Variants in NRG1 observed in about 807,000 individuals in gnomAD.
The protein encoded by NRG1 is neuregulin 1, also known as pro-neuregulin-1, membrane-bound isoform.
A neutral mutation model predicts 63.8 loss-of-function variants in NRG1; 18 were observed. The ratio of observed to expected loss-of-function variants is 0.28; its 90% CI spans 0.19 to 0.42. NRG1 has a LOEUF of 0.42. Among genes scored for constraint, NRG1 ranks in the 10% least tolerant of loss-of-function variants. NRG1 has a pLI of 1.00. For synonymous variants in NRG1, 302 were observed against 301.3 expected (o/e 1.00, Z -0.02); for missense variants, 762 against 814.7 (o/e 0.94, Z 0.79).
intron 1 of NRG1, among the ~76,000 whole-genome samples, chr8:32,052,721 A>G (rs1406733123): frequency 6.6e-6 from 1 of 152,184 alleles, no homozygotes; most frequent in Non-Finnish European, 1.5e-5. Flanking sequence ...TTGTGCATGC[A>G]GAGTGCTAGC....
intron 5 of NRG1, among the ~76,000 whole-genome samples, chr8:32,717,247 A>G (rs1345994515): frequency 1.3e-5 from 2 of 151,960 alleles, no homozygotes; most frequent in South Asian, 2.1e-4. Flanking sequence ...GGGTGGCAAG[A>G]AAAAAAAGGA....
At position 31,998,592 on chromosome 8, in the gene NRG1, AGAACTCACTTCATGAGTCAATAG is replaced by A. The variant is rs1812413384; in HGVS notation, c.37+359167_37+359189del. On this transcript the variant is annotated intron_variant, in intron 1 of 10. Transcript: ENST00000519301. The stretch of plus-strand genomic sequence containing the variant: ...GATAGCTCATTGAATGCAAACTTTC[AGAACTCACTTCATGAGTCAATAG>A]GAACTTTACACAATGGTGAGAATAA... Among the ~76,000 whole-genome samples, 6 of 152,146 alleles carry A rather than the reference AGAACTCACTTCATGAGTCAATAG, an allele frequency of 3.9e-5. No homozygotes were observed. The South Asian group carries it at 1.2e-3, about 32-fold the overall frequency.
At chr8:31,776,105 G>T (rs1819106935) in intron 1 of NRG1, among the ~76,000 whole-genome samples, 1 of 152,126 alleles carries the variant, frequency 6.6e-6, no homozygotes, top group East Asian at 1.9e-4. Flanking sequence ...AGCACTGACT[G>T]TAAAGTGCAC....
intron 5 of NRG1, among the ~76,000 whole-genome samples, chr8:32,640,341 C>G (rs1014082853): frequency 2.0e-5 from 3 of 149,878 alleles, no homozygotes; most frequent in Non-Finnish European, 4.4e-5. Context: ...AAACACACGT[C>G]TCAAAGATGT....
At position 32,756,386 on chromosome 8, in the gene NRG1, C is replaced by T; in HGVS notation, c.795-17C>T. The T allele has an allele frequency of 1.3e-6, 2 of 1,599,016 alleles. No individual in the cohort carries two copies. Among genetic ancestry groups the T allele is most frequent in the African/African-American group, 1.4e-5 (1 of 73,742 alleles). On this transcript the variant is annotated splice_polypyrimidine_tract_variant and intron_variant, in intron 8 of 11. Transcript: ENST00000356819. ...AAATAATCAAAAAAAAATAAATGCT[C>T]CCTTTCTTATGTCCAGGAAACAGCG...
chr8:31,970,716 T>C (rs73232414), intron 1 of NRG1, among the ~76,000 whole-genome samples: 1,569 of 152,230 alleles, frequency 0.01, 14 homozygotes, highest in Middle Eastern at 0.027. Context: ...AATAGGATGA[T>C]AGGTAGGACT....
intron 1 of NRG1, among the ~76,000 whole-genome samples, chr8:31,797,197 C>A (rs1257295640): frequency 6.6e-6 from 1 of 152,160 alleles, no homozygotes; most frequent in East Asian, 1.9e-4. Flanking sequence ...TGAGACTTAA[C>A]CATTTTTATT....
Position 32,340,198 on chromosome 8 carries a change from C to T in NRG1, c.38-255630C>T, listed in dbSNP as rs147494603. On this transcript the variant is annotated intron_variant, in intron 1 of 10. Coordinates refer to the NRG1 transcript ENST00000519301. ...ATAGTGTGCAACATTTAAAACAATA[C>T]ACATGTAAAAAATAAAAAATAAAAC... Among the ~76,000 whole-genome samples, 482 of 152,290 alleles carry T rather than the reference C, an allele frequency of 3.2e-3. 2 individuals carry two copies. Among genetic ancestry groups the T allele is most frequent in the Middle Eastern group, 0.017 (5 of 294 alleles).
rs546947275 is a variant in NRG1, at chr8:32,240,202, A to G, written c.38-355626A>G. 3.9e-5 allele frequency among the ~76,000 whole-genome samples: 6 copies of G among 152,312 alleles called. No homozygotes were observed. The East Asian group carries it at 7.7e-4, about 20-fold the overall frequency. On this transcript the variant is annotated intron_variant, in intron 1 of 10. Transcript: ENST00000519301. ...AAACAAACTGTAGCACAGCTATACT[A>G]TGACATACTATGAAGCAATAAAAAA...
chr8:31,870,337 C>T (rs1475391637), intron 1 of NRG1, among the ~76,000 whole-genome samples: 1 of 151,934 alleles, frequency 6.6e-6, no homozygotes, highest in Non-Finnish European at 1.5e-5. Context: ...GGTGTGATAA[C>T]ATAGATGGCT....
intron 5 of NRG1, 126 bp from the exon 6 acceptor site, chr8:32,727,823 G>C: frequency 1.2e-6 from 1 of 844,066 alleles, no homozygotes; most frequent in East Asian, 2.6e-5. Context: ...TGTTTGTAAG[G>C]TCTGCAAGTT....
chr8:31,892,034 G>C (rs1456502241), intron 1 of NRG1, among the ~76,000 whole-genome samples: 1 of 152,194 alleles, frequency 6.6e-6, no homozygotes, highest in Non-Finnish European at 1.5e-5. Context: ...AGTGCCACAT[G>C]AGGAATGCTT....
chr8:32,511,095 T>C (rs1003472697), intron 1 of NRG1, among the ~76,000 whole-genome samples: 1 of 150,780 alleles, frequency 6.6e-6, no homozygotes, highest in African/African-American at 2.4e-5. Context: ...TTTGAGAAAA[T>C]GAGGGTATGT....
chr8:32,099,351 T>C (rs1342113955), intron 1 of NRG1: 1 of 152,424 alleles, frequency 6.6e-6, no homozygotes, highest in Non-Finnish European at 1.5e-5. Context: ...GCTTTTTCTT[T>C]TTGGTTTCTC....
rs377227219 is a variant in NRG1 at position 32,566,177 on chromosome 8, C to T, written c.100+17351C>T. Among the ~76,000 whole-genome samples, 14 of 151,878 alleles carry T rather than the reference C, an allele frequency of 9.2e-5. 1 individual carries two copies. The highest frequency in any genetic ancestry group is 8.8e-5 in the Non-Finnish European group (6 of 67,926). On this transcript the variant is annotated intron_variant, in intron 1 of 11. Coordinates refer to ENST00000356819, the Ensembl canonical transcript of NRG1. ...TTCGTGACCAGCCTGACCAACATGG[C>T]GAAACCCCATCTCTACTAAAAATAC...
chr8:32,154,884 C>A (rs886266333), intron 1 of NRG1, among the ~76,000 whole-genome samples: 3 of 152,284 alleles, frequency 2.0e-5, no homozygotes, highest in African/African-American at 4.8e-5. Flanking sequence ...ATTTGTAGAA[C>A]CATAATTTCA....
intron 1 of NRG1, among the ~76,000 whole-genome samples, chr8:32,205,730 G>A (rs1843988377): frequency 6.6e-6 from 1 of 152,102 alleles, no homozygotes; most frequent in South Asian, 2.1e-4. Flanking sequence ...TGGCCTGGGA[G>A]GGTAAGCATT....
intron 1 of NRG1, among the ~76,000 whole-genome samples, chr8:32,330,257 T>A (rs1274505457): frequency 6.6e-6 from 1 of 152,024 alleles, no homozygotes; most frequent in Admixed American, 6.6e-5. Context: ...CTTGATTAGA[T>A]CAGGAGTCAA....
chr8:32,589,738 C>T (rs1198884687), intron 1 of NRG1, among the ~76,000 whole-genome samples: 1 of 152,130 alleles, frequency 6.6e-6, no homozygotes, highest in Non-Finnish European at 1.5e-5. Context: ...CAATACAGTA[C>T]AATATTCGAT....
Sources: gnomAD v4.1 joint callset for allele counts (sites outside exome capture counted in the v4.1 genomes callset) on GRCh38, gnomAD v4.1.1 for gene constraint, MANE v1.5 for transcripts, NCBI Gene and HGNC (gene_info 2026-07-23, HGNC 2026-07-21) for gene names.